Variants in NID1 observed in about 807,000 individuals in gnomAD.
NID1 encodes the protein nidogen 1, also known as nidogen-1.
In NID1, 76 loss-of-function variants were observed where a neutral mutation model predicts 130.6. The observed-to-expected ratio is 0.58, with a 90% CI of 0.48 to 0.70. NID1 has a LOEUF of 0.70. Among genes scored for constraint, NID1 ranks in the 30% least tolerant of loss-of-function variants. The pLI, the probability that NID1 is intolerant of heterozygous loss-of-function variation, is 0.00. For missense variants in NID1, 1,517 were observed against 1,664.8 expected (o/e 0.91, Z 1.54); for synonymous variants, 665 against 675.1 (o/e 0.98, Z 0.23).
chr1:235,986,687 C>T (rs930337268), intron 14 of NID1, among the ~76,000 whole-genome samples: 4 of 152,176 alleles, frequency 2.6e-5, no homozygotes, highest in Non-Finnish European at 5.9e-5. Context: ...GTCTCGAACT[C>T]CTGAGCTCAA....
chr1:236,063,999 C>T (rs1041434297), intron 1 of NID1, among the ~76,000 whole-genome samples: 8 of 152,322 alleles, frequency 5.3e-5, no homozygotes, highest in African/African-American at 1.4e-4. Flanking sequence ...AGCCATTTCA[C>T]GGGCAGGACA....
chr1:236,034,973 C>CTTTTTTTTT (rs11371749), intron 5 of NID1, among the ~76,000 whole-genome samples: 1 of 131,670 alleles, frequency 7.6e-6, no homozygotes, highest in African/African-American at 2.9e-5. Context: ...GCAGAGTTTT[C>CTTTTTTTTT]TTTTTTTTTT....
Position 236,048,981 on chromosome 1 carries a change from T to G in NID1, c.234A>C (p.Thr78=), listed in dbSNP as rs1361898464. The G allele has an allele frequency of 1.2e-6, 2 of 1,613,632 alleles. No individual in the cohort carries two copies. Among genetic ancestry groups the G allele is most frequent in the Admixed American group, 3.3e-5 (2 of 59,780 alleles). Residue 78 remains threonine, a synonymous_variant, in exon 2 of 20, where the codon ACA becomes ACC. Transcript: ENST00000264187. ...RSDIDAVYVT[T]NGIIATSEPP... is the part of the protein sequence containing the mutation. ...GTTCACTCGTAGCAATGATGCCATT[T>G]GTGGTGACCTGTACAAAACCAAGTG...
At chr1:236,043,494 T>A (rs1659511345) in intron 3 of NID1, among the ~76,000 whole-genome samples, 1 of 151,970 alleles carries the variant, frequency 6.6e-6, no homozygotes, top group South Asian at 2.1e-4. Context: ...GCAGACGTGG[T>A]TTTTTAGAAA....
At chr1:236,021,870 C>T (rs1436515648) in intron 9 of NID1, among the ~76,000 whole-genome samples, 1 of 152,184 alleles carries the variant, frequency 6.6e-6, no homozygotes, top group African/African-American at 2.4e-5. Context: ...AAGCTGCCTA[C>T]ATGAAAGTAT....
At position 235,993,766 on chromosome 1, in the gene NID1, G is replaced by A. The variant is rs1657835057; in HGVS notation, c.2634C>T (p.Cys878=). 5 of 1,613,912 alleles carry A rather than the reference G, an allele frequency of 3.1e-6. No individual in the cohort carries two copies. The highest frequency in any genetic ancestry group is 1.1e-5 in the South Asian group (1 of 91,084). ...PIPPGLFVPE[C]DAHGHYAPTQ... ...TGGGCGCGTAGTGCCCGTGCGCATC[G>A]CACTCAGGAACGAACAGCCCCGGAG... The change falls in exon 13 of 20, where the codon TGC becomes TGT. Residue 878 remains cysteine, a synonymous_variant. Transcript: ENST00000264187.
At chr1:235,989,892 T>A (rs944053590) in intron 14 of NID1, among the ~76,000 whole-genome samples, 1 of 151,978 alleles carries the variant, frequency 6.6e-6, no homozygotes, top group Non-Finnish European at 1.5e-5. Flanking sequence ...AGGGTTGAAG[T>A]TGGTAAGTGA....
chr1:235,979,564 C>G lies in NID1; in HGVS notation c.3509+258G>C, dbSNP rs1314807334. Among the ~76,000 whole-genome samples, 1 of 152,250 alleles carries G rather than the reference C, an allele frequency of 6.6e-6. No individual in the cohort carries two copies. The highest frequency in any genetic ancestry group is 1.5e-5 in the Non-Finnish European group (1 of 68,046). ...TGCTGAGGAAGTCCAGGTTTAAAGA[C>G]TTGAAACCACACAGTCAGGAGCATC... On this transcript the variant is annotated intron_variant, in intron 18 of 19. Coordinates refer to ENST00000264187, the MANE Select transcript of NID1 (RefSeq NM_002508.3). This position sits in a 1 kb window ranked among gnomAD's most constrained non-coding sequence, Gnocchi z 4.6.
chr1:236,019,865 A>G (rs1260049882), intron 9 of NID1, among the ~76,000 whole-genome samples: 1 of 151,956 alleles, frequency 6.6e-6, no homozygotes, highest in Non-Finnish European at 1.5e-5. Flanking sequence ...AACATGGTGA[A>G]ACCCCATCTC....
At chr1:236,022,628 G>A (rs893657329) in intron 9 of NID1, among the ~76,000 whole-genome samples, 3 of 150,996 alleles carry the variant, frequency 2.0e-5, no homozygotes, top group Admixed American at 6.6e-5. Flanking sequence ...GTGAGCCACT[G>A]CGCCTGGCCT....
At chr1:235,984,683 A>G (rs540907183) in intron 15 of NID1, among the ~76,000 whole-genome samples, 42 of 152,352 alleles carry the variant, frequency 2.8e-4, no homozygotes, top group African/African-American at 9.4e-4. Context: ...ATTAAGCAAC[A>G]TGTAATACTT....
At chr1:236,011,758 T>C (rs1370600583) in intron 12 of NID1, among the ~76,000 whole-genome samples, 163 bp downstream of exon 12, 1 of 143,864 alleles carries the variant, frequency 7.0e-6, no homozygotes, top group African/African-American at 2.9e-5. Flanking sequence ...CAATGGGCCA[T>C]GTGCTCTGGA....
chr1:236,006,387 A>AAAAGGTGTG (rs1658249562), intron 12 of NID1, among the ~76,000 whole-genome samples: 1 of 152,086 alleles, frequency 6.6e-6, no homozygotes, highest in South Asian at 2.1e-4. Context: ...TCACACCACC[A>AAAAGGTGTG]CCTATTGTCT....
At chr1:236,060,324 C>T (rs1321145225) in intron 1 of NID1, among the ~76,000 whole-genome samples, 2 of 152,174 alleles carry the variant, frequency 1.3e-5, no homozygotes, top group East Asian at 3.9e-4. Context: ...GACCAGAGGT[C>T]ACTCTCATCG....
In NID1 at chr1:236,032,640, C is replaced by A. The variant is rs759477796; in HGVS notation, c.1298G>T (p.Arg433Leu). The change falls in exon 6 of 20, where the codon CGA becomes CTA. Residue 433 changes from arginine (R) to leucine (L), a missense_variant. Transcript: ENST00000264187. ...RQCVAEGSPQRVNGKVKGRIF... is the reference protein window; with the variant it reads ...RQCVAEGSPQLVNGKVKGRIF... Reference sequence around the variant, plus strand: ...CCTTCCTTTCACCTTGCCATTGACTCGCTGGGGGGAACCTGAGCAAGAAAA... The same window carrying A: ...CCTTCCTTTCACCTTGCCATTGACTAGCTGGGGGGAACCTGAGCAAGAAAA... The A allele has an allele frequency of 6.2e-7, 1 of 1,614,076 alleles. No individual in the cohort carries two copies. Among genetic ancestry groups the A allele is most frequent in the Non-Finnish European group, 8.5e-7 (1 of 1,180,006 alleles).
At chr1:235,983,241 G>A (rs111639253) in intron 15 of NID1, among the ~76,000 whole-genome samples, 11 of 152,120 alleles carry the variant, frequency 7.2e-5, no homozygotes, top group Non-Finnish European at 1.3e-4. Context: ...ATTAGCCTTC[G>A]CCAGAGCCCT....
At chr1:236,011,557 C>A (rs1458209671) in intron 12 of NID1, among the ~76,000 whole-genome samples, 1 of 152,174 alleles carries the variant, frequency 6.6e-6, no homozygotes, top group Non-Finnish European at 1.5e-5. Context: ...CCCACCTCGG[C>A]CTCCTAAAGT....
intron 12 of NID1, among the ~76,000 whole-genome samples, chr1:236,003,651 C>T (rs1448947901): frequency 6.6e-6 from 1 of 152,174 alleles, no homozygotes; most frequent in African/African-American, 2.4e-5. Context: ...GGGCAGATCA[C>T]TTGAGGCCAG....
chr1:235,976,526 C>T lies in NID1; in HGVS notation c.*1341G>A, dbSNP rs1238205400. On this transcript the variant is annotated 3_prime_UTR_variant, in exon 20 of 20. Coordinates refer to ENST00000264187, the MANE Select transcript of NID1 (RefSeq NM_002508.3). ...CATTGAATCATCTCGACTCCTTTAT[C>T]CCATCCTTTACTGACTCAAACTCCT... 6.6e-6 allele frequency: 1 copy of T among 152,066 alleles called. No homozygotes were observed. Among genetic ancestry groups the T allele is most frequent in the Non-Finnish European group, 1.5e-5 (1 of 68,036 alleles). The allele number at this position is 152,066 out of a possible 1,614,324, so 9.4% of individuals were successfully genotyped here. A position where few individuals can be genotyped will look rare whatever the true frequency, so the allele number is the denominator to read the frequency against.
Sources: allele counts gnomAD v4.1 joint callset (sites outside exome capture counted in the v4.1 genomes callset), GRCh38; gene constraint gnomAD v4.1.1; non-coding constraint Gnocchi (gnomAD v3.1); transcripts MANE v1.5; gene names NCBI Gene and HGNC (gene_info 2026-07-23, HGNC 2026-07-21).